The following TOX variants were observed in gnomAD, a reference collection of about 807,000 sequenced individuals.
TOX encodes the protein thymocyte selection-associated high mobility group box protein TOX.
In TOX, 11 loss-of-function variants were observed where a neutral mutation model predicts 53.7. The observed-to-expected ratio is 0.20, with a 90% CI of 0.13 to 0.34. TOX has a LOEUF of 0.34. TOX is among the 10% of genes least tolerant of loss of function. The pLI is 1.00. For missense variants in TOX, 570 were observed against 664.6 expected (o/e 0.86, Z 1.56); for synonymous variants, 225 against 245.3 (o/e 0.92, Z 0.77).
chr8:59,097,110 G>A (rs1804724814), intron 1 of TOX, among the ~76,000 whole-genome samples: 1 of 152,200 alleles, frequency 6.6e-6, no homozygotes. Context: ...CACGTGATCA[G>A]GAAGTCTGCT....
chr8:59,058,640 T>A (rs1803925691), intron 1 of TOX, among the ~76,000 whole-genome samples: 1 of 152,070 alleles, frequency 6.6e-6, no homozygotes, highest in African/African-American at 2.4e-5. Flanking sequence ...TGACTGTTCA[T>A]CCTTAAATAC....
At chr8:58,879,700 C>T (rs1282791277) in intron 3 of TOX, among the ~76,000 whole-genome samples, 1 of 152,088 alleles carries the variant, frequency 6.6e-6, no homozygotes, top group Admixed American at 6.5e-5. Flanking sequence ...TTGTACCAAA[C>T]AAAGCATTCC....
chr8:58,998,530 T>TA (rs57585653), intron 1 of TOX, among the ~76,000 whole-genome samples: 2,632 of 43,264 alleles, frequency 0.061, 66 homozygotes, highest in South Asian at 0.092. Flanking sequence ...TATATATATA[T>TA]ATATATATAA....
chr8:58,963,145 T>C (rs1812829753), intron 1 of TOX, among the ~76,000 whole-genome samples: 1 of 152,206 alleles, frequency 6.6e-6, no homozygotes, highest in Admixed American at 6.5e-5. Flanking sequence ...TTGGCTCTTG[T>C]TGGACCTCAA....
intron 5 of TOX, among the ~76,000 whole-genome samples, chr8:58,831,467 T>C (rs1216310469): frequency 1.3e-5 from 2 of 152,214 alleles, no homozygotes; most frequent in East Asian, 1.9e-4. Context: ...AAATGTTGCA[T>C]TGGCATAATG....
At chr8:59,077,176 C>T (rs1804307527) in intron 1 of TOX, among the ~76,000 whole-genome samples, 1 of 152,236 alleles carries the variant, frequency 6.6e-6, no homozygotes, top group Admixed American at 6.5e-5. Flanking sequence ...CTACCACAGG[C>T]ACAGATAACC....
At chr8:58,891,723 C>A (rs1236677575) in intron 3 of TOX, among the ~76,000 whole-genome samples, 4 of 152,182 alleles carry the variant, frequency 2.6e-5, no homozygotes, top group African/African-American at 7.2e-5. Flanking sequence ...AGAAGCTGAG[C>A]GCTTAGAGAG....
chr8:59,046,952 C>T (rs1266998570), intron 1 of TOX, among the ~76,000 whole-genome samples: 1 of 151,228 alleles, frequency 6.6e-6, no homozygotes, highest in African/African-American at 2.4e-5. Flanking sequence ...TCATCATCCA[C>T]CACGCAGTGA....
intron 1 of TOX, among the ~76,000 whole-genome samples, chr8:59,095,869 G>A (rs1804704167): frequency 6.6e-6 from 1 of 152,168 alleles, no homozygotes; most frequent in Non-Finnish European, 1.5e-5. Context: ...CTGATGTGTT[G>A]TAGAATAGAT....
intron 3 of TOX, among the ~76,000 whole-genome samples, chr8:58,929,815 C>T (rs1364149531): frequency 3.3e-5 from 5 of 152,194 alleles, no homozygotes; most frequent in Middle Eastern, 3.4e-3. Context: ...ATCAATTTTT[C>T]ATATTACTGC....
chr8:59,071,137 T>C (rs568437808), intron 1 of TOX, among the ~76,000 whole-genome samples: 1 of 152,320 alleles, frequency 6.6e-6, no homozygotes, highest in South Asian at 2.1e-4. Context: ...GGGGCGGGTA[T>C]CTATTAAAGT....
At chr8:59,074,355 A>C (rs1804253820) in intron 1 of TOX, among the ~76,000 whole-genome samples, 1 of 152,228 alleles carries the variant, frequency 6.6e-6, no homozygotes, top group Non-Finnish European at 1.5e-5. Flanking sequence ...AAAAAGAAGC[A>C]GATGAAGAGT....
intron 3 of TOX, among the ~76,000 whole-genome samples, chr8:58,886,966 A>C (rs1191244124): frequency 6.6e-6 from 1 of 151,880 alleles, no homozygotes. Context: ...TTTCCTCTGT[A>C]AACATAAGAC....
At chr8:58,936,271 G>A (rs12155519) in intron 3 of TOX, among the ~76,000 whole-genome samples, 100,140 of 151,892 alleles carry the variant, frequency 0.66, 33,676 homozygotes, top group Non-Finnish European at 0.72. Context: ...CCAAATCAAA[G>A]CCCTCCTTCA....
chr8:58,873,958 C>CTTTGTTTTTTTTTTT, intron 3 of TOX, among the ~76,000 whole-genome samples: 1 of 40,128 alleles, frequency 2.5e-5, no homozygotes, highest in Non-Finnish European at 3.9e-5. Flanking sequence ...TGCCAGGAAG[C>CTTTGTTTTTTTTTTT]TTTTTTTTTT....
At chr8:59,046,311 T>C (rs1803680760) in intron 1 of TOX, among the ~76,000 whole-genome samples, 1 of 152,226 alleles carries the variant, frequency 6.6e-6, no homozygotes. Flanking sequence ...GCAGAAGCTT[T>C]CTATAAATTA....
intron 1 of TOX, among the ~76,000 whole-genome samples, chr8:58,971,523 A>C (rs1226753309): frequency 6.6e-6 from 1 of 152,218 alleles, no homozygotes; most frequent in Non-Finnish European, 1.5e-5. Context: ...AGCACTATAC[A>C]TATGGAAACT....
At chr8:58,828,914 T>C (rs533216701) in intron 5 of TOX, among the ~76,000 whole-genome samples, 10 of 152,300 alleles carry the variant, frequency 6.6e-5, no homozygotes, top group Admixed American at 2.0e-4. Flanking sequence ...ATACGTCTTT[T>C]ATGGTAATGC....
intron 1 of TOX, among the ~76,000 whole-genome samples, chr8:58,966,840 AC>A (rs1341436715): frequency 1.3e-4 from 20 of 149,960 alleles, no homozygotes; most frequent in Admixed American, 4.0e-4. Context: ...TTTGTTTTTA[AC>A]CAAATACACC....
Sources: gnomAD v4.1 joint callset for allele counts (sites outside exome capture counted in the v4.1 genomes callset) on GRCh38, gnomAD v4.1.1 for gene constraint, MANE v1.5 for transcripts, NCBI Gene and HGNC (gene_info 2026-07-23, HGNC 2026-07-21) for gene names.